SIPA1L1: variants seen among roughly 807,000 people sequenced by gnomAD.
SIPA1L1 encodes signal induced proliferation associated 1 like 1.
In SIPA1L1, 26 loss-of-function variants were observed where a neutral mutation model predicts 162.7. The observed-to-expected ratio is 0.16, with a 90% CI of 0.12 to 0.22. The LOEUF (loss-of-function observed/expected upper bound fraction) is 0.22, where lower values mean the gene tolerates loss of function less well. SIPA1L1 is among the 10% of genes least tolerant of loss of function. SIPA1L1 has a pLI of 1.00. For synonymous variants in SIPA1L1, 829 were observed against 837.4 expected, an observed-to-expected ratio of 0.99 and a Z score of 0.17; for missense variants, 1,874 against 2,241.0, an observed-to-expected ratio of 0.84 and a Z score of 3.31.
At chr14:71,455,986 T>G (rs1327145895) in intron 2 of SIPA1L1, among the ~76,000 whole-genome samples, 3 of 152,238 alleles carry the variant, frequency 2.0e-5, no homozygotes, top group Non-Finnish European at 2.9e-5. Context: ...CTATTGTGTT[T>G]ATGGTATTTA....
At chr14:71,695,582 A>G (rs1472662875) in intron 13 of SIPA1L1, among the ~76,000 whole-genome samples, 3 of 152,246 alleles carry the variant, frequency 2.0e-5, no homozygotes, top group Non-Finnish European at 4.4e-5. Flanking sequence ...ACTTCCTCAT[A>G]GAAGCATAAA....
chr14:71,438,509 A>C (rs190724765), intron 2 of SIPA1L1, among the ~76,000 whole-genome samples: 143 of 152,292 alleles, frequency 9.4e-4, no homozygotes, highest in African/African-American at 3.2e-3. Context: ...AGATCTCAAA[A>C]TATCGCTCCC....
At chr14:71,732,561 G>C (rs2084897715) in intron 20 of SIPA1L1, among the ~76,000 whole-genome samples, 1 of 152,164 alleles carries the variant, frequency 6.6e-6, no homozygotes. Context: ...AGTCCTCCCT[G>C]CCAAGCAGAT....
intron 4 of SIPA1L1, among the ~76,000 whole-genome samples, chr14:71,554,226 T>C (rs1307511731): frequency 2.0e-5 from 3 of 152,196 alleles, no homozygotes; most frequent in African/African-American, 7.2e-5. Flanking sequence ...TTGGTTTCAC[T>C]GTGCTCAAAC....
chr14:71,496,810 A>T (rs1363012508), intron 2 of SIPA1L1, among the ~76,000 whole-genome samples: 2 of 152,174 alleles, frequency 1.3e-5, no homozygotes, highest in African/African-American at 4.8e-5. Flanking sequence ...TGACCCTTTT[A>T]TCATTATAAA....
chr14:71,628,217 T>G (rs928049892), intron 7 of SIPA1L1, among the ~76,000 whole-genome samples: 1 of 152,248 alleles, frequency 6.6e-6, no homozygotes, highest in African/African-American at 2.4e-5. Context: ...ATTCAGATAC[T>G]TTTAAATTTG....
intron 4 of SIPA1L1, among the ~76,000 whole-genome samples, chr14:71,566,222 A>G (rs1271509688): frequency 6.6e-6 from 1 of 152,236 alleles, no homozygotes; most frequent in East Asian, 1.9e-4. Flanking sequence ...AATTTACTTT[A>G]TAATAACCTA....
intron 7 of SIPA1L1, among the ~76,000 whole-genome samples, chr14:71,627,587 A>G (rs1159733597): frequency 6.6e-6 from 1 of 152,190 alleles, no homozygotes; most frequent in Non-Finnish European, 1.5e-5. Context: ...AGGCACCTTG[A>G]TCTTCACTTA....
At chr14:71,391,560 T>C (rs533317743) in intron 2 of SIPA1L1, among the ~76,000 whole-genome samples, 4 of 152,314 alleles carry the variant, frequency 2.6e-5, no homozygotes, top group South Asian at 2.1e-4. Context: ...GGTGTTTTAT[T>C]TGACAACAGA....
intron 2 of SIPA1L1, among the ~76,000 whole-genome samples, chr14:71,416,751 A>ACG (rs1491237258): frequency 1.3e-5 from 2 of 150,320 alleles, no homozygotes; most frequent in Admixed American, 6.6e-5. Context: ...ACACACACAC[A>ACG]CGCATGCACA....
At chr14:71,607,588 A>G (rs988355146) in intron 5 of SIPA1L1, among the ~76,000 whole-genome samples, 1 of 152,166 alleles carries the variant, frequency 6.6e-6, no homozygotes, top group Non-Finnish European at 1.5e-5. Context: ...AGGGAGTTTT[A>G]AGACAGTGCC....
In SIPA1L1 at chr14:71,580,817, C is replaced by CT. The variant is rs547210080; in HGVS notation, c.-302-6747dup. On this transcript the variant is annotated intron_variant, in intron 4 of 23. Transcript: ENST00000381232. Reference sequence around the variant, plus strand: ...TATATTTTTAGCAACAGAAAGATGGCTTTTTTTCTCATAAGTTTTGTTTCT... The same window carrying CT: ...TATATTTTTAGCAACAGAAAGATGGCTTTTTTTTCTCATAAGTTTTGTTTCT... 1.9e-4 allele frequency among the ~76,000 whole-genome samples: 29 copies of CT among 152,076 alleles called. No individual in the cohort carries two copies. The South Asian group carries it at 5.4e-3, about 28-fold the overall frequency.
At chr14:71,616,684 T>C (rs1376179195) in intron 5 of SIPA1L1, among the ~76,000 whole-genome samples, 3 of 152,176 alleles carry the variant, frequency 2.0e-5, no homozygotes. Flanking sequence ...AAATGGCTTC[T>C]TTATTTCCTT....
At chr14:71,630,432 C>T (rs191275201) in intron 7 of SIPA1L1, among the ~76,000 whole-genome samples, 107 of 152,256 alleles carry the variant, frequency 7.0e-4, no homozygotes, top group Non-Finnish European at 1.3e-3. Context: ...GGAAGACATG[C>T]GGCTGTGGTA....
intron 7 of SIPA1L1, among the ~76,000 whole-genome samples, chr14:71,635,972 A>T (rs1036390720): frequency 2.6e-5 from 4 of 152,250 alleles, no homozygotes; most frequent in African/African-American, 7.2e-5. Flanking sequence ...GACAGAGAGG[A>T]TCATTGCATA....
chr14:71,480,239 T>A (rs2048241046), intron 2 of SIPA1L1, among the ~76,000 whole-genome samples: 1 of 151,636 alleles, frequency 6.6e-6, no homozygotes, highest in African/African-American at 2.4e-5. Context: ...TTTGCCACCA[T>A]GCCCAGCTAA....
Position 71,339,772 on chromosome 14 carries a change from T to C in SIPA1L1, c.-465+18591T>C, listed in dbSNP as rs561220151. Among the ~76,000 whole-genome samples the C allele has an allele frequency of 7.9e-5, 12 of 152,358 alleles. No homozygotes were observed. In the East Asian group the frequency reaches 2.3e-3, roughly 29 times the overall value. On this transcript the variant is annotated intron_variant, in intron 2 of 23. Coordinates refer to ENST00000381232, the MANE Select transcript of SIPA1L1 (RefSeq NM_001386936.1). ...TTAGATTTTGTTGCTTCCTGGTAAT[T>C]AATGTCAGCTATCATTTATTGAGTA... is the stretch of plus-strand genomic sequence containing the variant.
At chr14:71,456,845 A>G (rs2046220961) in intron 2 of SIPA1L1, among the ~76,000 whole-genome samples, 1 of 152,238 alleles carries the variant, frequency 6.6e-6, no homozygotes, top group Non-Finnish European at 1.5e-5. Context: ...GAATAAATCT[A>G]AATAAGAATT....
At chr14:71,722,326 T>C (rs952597963) in intron 17 of SIPA1L1, among the ~76,000 whole-genome samples, 9 of 152,368 alleles carry the variant, frequency 5.9e-5, no homozygotes, top group Non-Finnish European at 1.0e-4. Context: ...TATTCAGTTA[T>C]CTTCCTCCCC....
Sources: allele counts gnomAD v4.1 joint callset (sites outside exome capture counted in the v4.1 genomes callset), GRCh38; gene constraint gnomAD v4.1.1; transcripts MANE v1.5; gene names NCBI Gene and HGNC (gene_info 2026-07-23, HGNC 2026-07-21).